The following MTUS1 variants were observed in gnomAD, a reference collection of about 807,000 sequenced individuals.
MTUS1 encodes microtubule-associated tumor suppressor 1.
In MTUS1, 109 loss-of-function variants were observed where a neutral mutation model predicts 120.8. The ratio of observed to expected loss-of-function variants is 0.90; its 90% CI spans 0.77 to 1.06. MTUS1 has a LOEUF of 1.06. Ranked by LOEUF, MTUS1 falls within the 50% of genes least tolerant of loss-of-function variation. The pLI is 0.00. For synonymous variants in MTUS1, 737 were observed against 550.5 expected, an observed-to-expected ratio of 1.34 and a Z score of -4.74; for missense variants, 2,210 against 1,486.3, an observed-to-expected ratio of 1.49 and a Z score of -8.01.
intron 1 of MTUS1, among the ~76,000 whole-genome samples, chr8:17,756,671 A>AACCCCCCCCCC (rs2048636698): frequency 1.4e-4 from 16 of 117,536 alleles, no homozygotes; most frequent in South Asian, 3.9e-4. Flanking sequence ...TCAAGCCCAA[A>AACCCCCCCCCC]CCCCCACCCC....
At chr8:17,743,512 GC>G in intron 3 of MTUS1, 91 bp downstream of exon 3, 1 of 1,221,296 alleles carries the variant, frequency 8.2e-7, no homozygotes, top group South Asian at 1.5e-5. Context: ...AAGGCTAACT[GC>G]TTTAGTGACA....
intron 8 of MTUS1, among the ~76,000 whole-genome samples, chr8:17,663,023 C>G (rs1032468925): frequency 6.6e-6 from 1 of 152,100 alleles, no homozygotes; most frequent in Admixed American, 6.6e-5. Flanking sequence ...AGGCCAGTGA[C>G]CCTCCCTGAC....
chr8:17,654,269 T>G (rs1239598803), intron 10 of MTUS1: 8 of 434,210 alleles, frequency 1.8e-5, no homozygotes, highest in Non-Finnish European at 3.3e-5. Flanking sequence ...AACTTGTACT[T>G]GCCACTTCCC....
At chr8:17,750,434 T>A (rs1265905181) in intron 2 of MTUS1, among the ~76,000 whole-genome samples, 1 of 152,224 alleles carries the variant, frequency 6.6e-6, no homozygotes, top group Non-Finnish European at 1.5e-5. Flanking sequence ...AAACTGCTCA[T>A]CAATTTACAA....
intron 8 of MTUS1, chr8:17,674,861 T>G: frequency 1.8e-6 from 2 of 1,136,874 alleles, no homozygotes; most frequent in Non-Finnish European, 2.2e-6. Context: ...GAAAAGTGCT[T>G]CAGAAAAAAA....
At position 17,646,104 on chromosome 8, in the gene MTUS1, G is replaced by A. The variant is rs1264098528; in HGVS notation, c.3635C>T (p.Ser1212Leu). The change falls in exon 15 of 15, where the codon TCG (serine) becomes TTG (leucine). Residue 1212 changes from serine to leucine, a missense_variant. Transcript: ENST00000693296. The part of the protein sequence containing the change: ...LSTEQAVLQE[S>L]LEKESKVNKR... ...GTTGACTTTCGACTCCTTCTCCAGCGACTCTTGCAGAACAGCCTGCTCCGT... is the reference window on the plus strand; with the variant it reads ...GTTGACTTTCGACTCCTTCTCCAGCAACTCTTGCAGAACAGCCTGCTCCGT... 6.2e-6 allele frequency: 10 copies of A among 1,612,742 alleles called. No individual in the cohort carries two copies. The highest frequency in any genetic ancestry group is 4.0e-5 in the African/African-American group (3 of 74,664).
Position 17,645,628 on chromosome 8 carries a change from G to A in MTUS1, c.*298C>T. ...AGAGTTTTTCCCCCTATGCTTAGGT[G>A]AAAAAGGCAATGAACAAGATGCTCT... On this transcript the variant is annotated 3_prime_UTR_variant, in exon 15 of 15. Coordinates refer to ENST00000693296, the MANE Select transcript of MTUS1 (RefSeq NM_001363059.2). 3.9e-6 allele frequency: 1 copy of A among 254,552 alleles called. No individual in the cohort carries two copies. The highest frequency in any genetic ancestry group is 7.4e-6 in the Non-Finnish European group (1 of 135,266). 15.8% of individuals were successfully genotyped at this position (254,552 alleles called of 1,614,324 possible).
In MTUS1 at chr8:17,656,029, G is replaced by C. The variant is rs758417268; in HGVS notation, c.2942C>G (p.Ala981Gly). ...ASTTCEKLEK[A>G]RNELQTVYEA... ...ATACACTGTTTGTAACTCATTCCTG[G>C]CTTTTTCTAATTTCTCACAGGTGGT... is the stretch of plus-strand genomic sequence containing the variant. The change falls in exon 9 of 15, where the codon GCC becomes GGC. Residue 981 changes from alanine to glycine, a missense_variant. Physicochemically the swap from Ala to Gly is moderately conservative, Grantham distance 60 (BLOSUM62 0). Coordinates refer to ENST00000693296, the MANE Select transcript of MTUS1 (RefSeq NM_001363059.2). 9 of 1,614,014 alleles carry C rather than the reference G, an allele frequency of 5.6e-6. No homozygotes were observed. In the East Asian group the frequency reaches 2.0e-4, roughly 36 times the overall value.
intron 6 of MTUS1, 60 bp downstream of exon 6, chr8:17,713,154 G>A: frequency 7.7e-7 from 1 of 1,292,802 alleles, no homozygotes; most frequent in Non-Finnish European, 1.1e-6. Context: ...GTAAATACTT[G>A]TAGTAACATA....
intron 8 of MTUS1, among the ~76,000 whole-genome samples, chr8:17,671,953 C>G (rs918708866): frequency 2.8e-4 from 42 of 152,104 alleles, no homozygotes; most frequent in African/African-American, 8.7e-4. Context: ...AATAACGCAG[C>G]AAAATACATA....
chr8:17,665,858 C>T (rs1010249755), intron 8 of MTUS1, among the ~76,000 whole-genome samples: 10 of 151,286 alleles, frequency 6.6e-5, no homozygotes, highest in Non-Finnish European at 1.2e-4. Flanking sequence ...AATGACCTTT[C>T]CCCCCCTATA....
intron 6 of MTUS1, among the ~76,000 whole-genome samples, chr8:17,702,970 T>A (rs905913083): frequency 6.6e-6 from 1 of 152,224 alleles, no homozygotes; most frequent in Non-Finnish European, 1.5e-5. Flanking sequence ...AATCTCTTAA[T>A]CCTGTTATCT....
At chr8:17,654,305 C>G (rs369698180) in intron 10 of MTUS1, 64 of 490,020 alleles carry the variant, frequency 1.3e-4, no homozygotes, top group African/African-American at 8.4e-4. Flanking sequence ...CAACCACCAC[C>G]GCCAAAATGG....
chr8:17,685,652 G>C (rs1288949520), intron 6 of MTUS1, among the ~76,000 whole-genome samples: 2 of 151,710 alleles, frequency 1.3e-5, no homozygotes, highest in Non-Finnish European at 2.9e-5. Context: ...CACTTTCTAA[G>C]AACAAATGGC....
chr8:17,690,271 A>T (rs1338135383), intron 6 of MTUS1, among the ~76,000 whole-genome samples: 1 of 152,194 alleles, frequency 6.6e-6, no homozygotes, highest in Admixed American at 6.5e-5. Flanking sequence ...AAAAAGTAGA[A>T]CATACGAAAA....
chr8:17,771,142 T>G (rs1316429939), intron 1 of MTUS1, among the ~76,000 whole-genome samples: 1 of 152,196 alleles, frequency 6.6e-6, no homozygotes, highest in Non-Finnish European at 1.5e-5. Flanking sequence ...GAGTGTTATA[T>G]CCTTTAAACT....
At chr8:17,784,912 G>A (rs917827647) in intron 1 of MTUS1, among the ~76,000 whole-genome samples, 3 of 151,992 alleles carry the variant, frequency 2.0e-5, no homozygotes, top group African/African-American at 4.8e-5. Flanking sequence ...AGCTGCCTGA[G>A]TAGCTGGGAT....
intron 13 of MTUS1, among the ~76,000 whole-genome samples, chr8:17,649,479 T>G (rs555077795): frequency 6.6e-6 from 1 of 152,366 alleles, no homozygotes; most frequent in African/African-American, 2.4e-5. Flanking sequence ...ATCCAACTGT[T>G]TTGGATCTAA....
intron 1 of MTUS1, among the ~76,000 whole-genome samples, chr8:17,762,072 G>C (rs987908598): frequency 6.6e-6 from 1 of 152,102 alleles, no homozygotes; most frequent in African/African-American, 2.4e-5. Flanking sequence ...TTGAGGCCAG[G>C]AGTTTGAGAC....
Sources: allele counts gnomAD v4.1 joint callset (sites outside exome capture counted in the v4.1 genomes callset), GRCh38; gene constraint gnomAD v4.1.1; transcripts MANE v1.5; gene names NCBI Gene and HGNC (gene_info 2026-07-23, HGNC 2026-07-21).